SEPTIN3: variants seen among roughly 807,000 people sequenced by gnomAD.
SEPTIN3 encodes the protein neuronal-specific septin-3.
In SEPTIN3, 15 loss-of-function variants were observed where a neutral mutation model predicts 45.1. The ratio of observed to expected loss-of-function variants is 0.33; its 90% CI spans 0.22 to 0.51. The LOEUF is 0.51. Ranked by LOEUF, SEPTIN3 falls within the 20% of genes least tolerant of loss-of-function variation. The probability of loss-of-function intolerance (pLI) is 0.97; values close to 1 mark genes in which losing one functional copy is unlikely to be tolerated. For synonymous variants in SEPTIN3, 148 were observed against 164.8 expected (o/e 0.90, Z 0.78); for missense variants, 289 against 457.2 (o/e 0.63, Z 3.35).
In SEPTIN3 at chr22:41,990,965, G is replaced by A. The variant is rs199888530; in HGVS notation, c.2164-608G>A. On this transcript the variant is annotated intron_variant, in intron 7 of 11. Transcript: ENST00000644076. ...TGTAAGCCCAGCTACTAGGGAGGCT[G>A]AGGCAGGAGAATCACTGGAACCCGG... is the stretch of plus-strand genomic sequence containing the variant. Among the ~76,000 whole-genome samples, 12 of 152,258 alleles carry A rather than the reference G, an allele frequency of 7.9e-5. No individual in the cohort carries two copies. In the East Asian group the frequency reaches 2.3e-3, roughly 29 times the overall value.
In SEPTIN3 at chr22:41,994,254, G is replaced by T; in HGVS notation, c.2360-36G>T. 6.2e-7 allele frequency: 1 copy of T among 1,608,784 alleles called. No homozygotes were observed. On this transcript the variant is annotated intron_variant, in intron 9 of 11. Transcript: ENST00000644076. The surrounding 1 kb of genome is among the most constrained non-coding windows in gnomAD (Gnocchi z 4.2). ...CTGGGTGTTGCTGTATTAATGAACT[G>T]ACTACCTGTTTTGCTTTGTTTTGTT...
intron 11 of SEPTIN3, chr22:41,995,822 A>C (rs2078425143): frequency 2.3e-6 from 2 of 883,634 alleles, no homozygotes; most frequent in African/African-American, 3.6e-5. Flanking sequence ...TGCAGTTCCC[A>C]GTGTCCAGTT....
At chr22:41,996,717 G>C in intron 11 of SEPTIN3, 185 bp from the exon 12 acceptor site, 1 of 1,485,332 alleles carries the variant, frequency 6.7e-7, no homozygotes. Flanking sequence ...AAGCAGTCCT[G>C]TATGGAGACC....
At chr22:41,989,742 G>A (rs1269445250) in intron 7 of SEPTIN3, 58 bp downstream of exon 7, 13 of 1,157,246 alleles carry the variant, frequency 1.1e-5, no homozygotes, top group African/African-American at 1.5e-5. Flanking sequence ...TCTCCGCTGG[G>A]TTCAGGCCAT....
chr22:41,973,414 T>G (rs374051641), intron 2 of SEPTIN3, among the ~76,000 whole-genome samples: 1 of 149,930 alleles, frequency 6.7e-6, no homozygotes, highest in African/African-American at 2.5e-5. Context: ...CCCAGCACTT[T>G]GGGATCTGCC....
At chr22:41,996,517 G>C (rs2078440982) in intron 11 of SEPTIN3, 1 of 1,010,066 alleles carries the variant, frequency 9.9e-7, no homozygotes, top group African/African-American at 1.7e-5. Flanking sequence ...CCAGGAGAAA[G>C]GGGGGCGGTG....
intron 3 of SEPTIN3, among the ~76,000 whole-genome samples, chr22:41,983,435 C>T (rs1037553981): frequency 1.4e-4 from 22 of 152,212 alleles, no homozygotes; most frequent in Admixed American, 9.8e-4. Context: ...ACCAAATAAT[C>T]TTCCCACCTT....
At position 41,997,045 on chromosome 22, in the gene SEPTIN3, T is replaced by C. The variant is rs2078454216; in HGVS notation, c.*78T>C. ...CAGGGCCAAGCCCTTTTTAGTGCTGTGCTCGTCCAGCTCACCACCACAGCC... is the reference window on the plus strand; with the variant it reads ...CAGGGCCAAGCCCTTTTTAGTGCTGCGCTCGTCCAGCTCACCACCACAGCC... On this transcript the variant is annotated 3_prime_UTR_variant, in exon 12 of 12. Coordinates refer to ENST00000644076, the MANE Select transcript of SEPTIN3 (RefSeq NM_001363845.2). 2 of 1,606,504 alleles carry C rather than the reference T, an allele frequency of 1.2e-6. No homozygotes were observed. The highest frequency in any genetic ancestry group is 1.7e-5 in the Admixed American group (1 of 59,712).
Position 41,986,539 on chromosome 22 carries a change from G to A in SEPTIN3, c.1825+427G>A, listed in dbSNP as rs1052739517. Reference sequence around the variant, plus strand: ...TTTTGAGACGGAGTCTTGCTTTGTCGCCCAGGCTGGAGTGCAGTGGTGCGA... The same window carrying A: ...TTTTGAGACGGAGTCTTGCTTTGTCACCCAGGCTGGAGTGCAGTGGTGCGA... On this transcript the variant is annotated intron_variant, in intron 4 of 11. Coordinates refer to ENST00000644076, the MANE Select transcript of SEPTIN3 (RefSeq NM_001363845.2). Among the ~76,000 whole-genome samples the A allele has an allele frequency of 3.3e-5, 5 of 150,456 alleles. No homozygotes were observed. The East Asian group carries it at 5.9e-4, about 18-fold the overall frequency.
chr22:41,975,523 G>A (rs1002977621), intron 2 of SEPTIN3, among the ~76,000 whole-genome samples: 1 of 152,044 alleles, frequency 6.6e-6, no homozygotes, highest in African/African-American at 2.4e-5. Context: ...GTGCAGATGT[G>A]GGCAGCCAGC....
chr22:41,975,361 G>A (rs1464342251), intron 2 of SEPTIN3, among the ~76,000 whole-genome samples: 2 of 152,162 alleles, frequency 1.3e-5, no homozygotes, highest in Admixed American at 6.5e-5. Context: ...AAGGCATCCA[G>A]TCTAATGCCT....
rs367609845 is a variant in SEPTIN3 at position 41,995,410 on chromosome 22, C to G, written c.2505+696C>G. On this transcript the variant is annotated intron_variant, in intron 11 of 11. Coordinates refer to ENST00000644076, the MANE Select transcript of SEPTIN3 (RefSeq NM_001363845.2). ...GTCGTGTTCAGTGTCACAAAGCTAC[C>G]ACCTGTCACCAGAGCCTACTGCTGC... 13 of 985,708 alleles carry G rather than the reference C, an allele frequency of 1.3e-5. No homozygotes were observed. In the East Asian group the frequency reaches 6.8e-4, roughly 52 times the overall value. The allele number at this position is 985,708 out of a possible 1,614,324, so 61.1% of individuals were successfully genotyped here. A position where few individuals can be genotyped will look rare whatever the true frequency, so the allele number is the denominator to read the frequency against.
chr22:41,982,230 C>T (rs529329584), intron 3 of SEPTIN3: 6 of 180,032 alleles, frequency 3.3e-5, no homozygotes, highest in East Asian at 1.5e-4. Flanking sequence ...GAGAGAAGGC[C>T]GGGTGTGGTG....
chr22:41,986,254 C>G, intron 4 of SEPTIN3, 142 bp downstream of exon 4: 1 of 971,554 alleles, frequency 1.0e-6, no homozygotes, highest in African/African-American at 1.7e-5. Flanking sequence ...CACTCTGAAG[C>G]AAACTCCTTA....
intron 8 of SEPTIN3, 105 bp downstream of exon 8, chr22:41,991,773 A>G: frequency 2.4e-6 from 2 of 831,540 alleles, no homozygotes; most frequent in Middle Eastern, 2.4e-4. Context: ...TACTCCCCCC[A>G]ACCTTGCCTG....
At chr22:41,975,148 C>A (rs2078005372) in intron 2 of SEPTIN3, among the ~76,000 whole-genome samples, 1 of 152,106 alleles carries the variant, frequency 6.6e-6, no homozygotes, top group African/African-American at 2.4e-5. Context: ...TATGGAAGTC[C>A]TACACAGAAC....
chr22:41,985,576 G>A (rs560325094), intron 3 of SEPTIN3: 1 of 164,346 alleles, frequency 6.1e-6, no homozygotes, highest in East Asian at 1.8e-4. Flanking sequence ...GCTAACAAAT[G>A]TGAATGTACA....
Position 41,994,886 on chromosome 22 carries a change from T to C in SEPTIN3, c.2505+172T>C. On this transcript the variant is annotated intron_variant, in intron 11 of 11. Transcript: ENST00000644076. The surrounding 1 kb of genome is among the most constrained non-coding windows in gnomAD (Gnocchi z 4.2). ...TGGTATTTGTGGAGCATCTTGTCTG[T>C]GTGTGTGTGTGTGTGTGTGTGTGTG... The C allele has an allele frequency of 2.0e-6, 1 of 487,826 alleles. No homozygotes were observed. The highest frequency in any genetic ancestry group is 2.9e-6 in the Non-Finnish European group (1 of 350,598). 30.2% of individuals were successfully genotyped at this position (487,826 alleles called of 1,614,324 possible). A position where few individuals can be genotyped will look rare whatever the true frequency, so the allele number is the denominator to read the frequency against.
intron 2 of SEPTIN3, among the ~76,000 whole-genome samples, chr22:41,980,129 CTTTTTTTTTTTT>C (rs569424612): frequency 4.8e-5 from 5 of 103,422 alleles, no homozygotes; most frequent in Non-Finnish European, 9.0e-5. Flanking sequence ...TGCTCAGTGC[CTTTTTTTTTTTT>C]TTTTTTTTTT....
Sources: gnomAD v4.1 joint callset for allele counts (sites outside exome capture counted in the v4.1 genomes callset) on GRCh38, gnomAD v4.1.1 for gene constraint, Gnocchi (gnomAD v3.1) non-coding constraint, MANE v1.5 for transcripts, NCBI Gene and HGNC (gene_info 2026-07-23, HGNC 2026-07-21) for gene names.